The following CSMD3 variants were observed in gnomAD, a reference collection of about 807,000 sequenced individuals.
CSMD3 encodes the protein CUB and Sushi multiple domains 3, also known as CUB and sushi domain-containing protein 3.
CSMD3 carries 177 observed loss-of-function variants against 435.2 expected under a neutral mutation model. The observed-to-expected ratio is 0.41, with a 90% confidence interval of 0.36 to 0.46. The LOEUF is 0.46. Among genes scored for constraint, CSMD3 ranks in the 20% least tolerant of loss-of-function variants. The pLI is 0.34. For missense variants in CSMD3, 4,265 were observed against 4,504.6 expected (o/e 0.95, Z 1.52); for synonymous variants, 1,656 against 1,520.5 (o/e 1.09, Z -2.07).
At chr8:112,321,480 G>C (rs895982924) in intron 45 of CSMD3, among the ~76,000 whole-genome samples, 5 of 152,074 alleles carry the variant, frequency 3.3e-5, no homozygotes, top group Non-Finnish European at 5.9e-5. Flanking sequence ...GTGATCCTGG[G>C]GAGAAGAGCA....
intron 2 of CSMD3, among the ~76,000 whole-genome samples, chr8:113,303,264 A>T (rs1349067907): frequency 3.9e-5 from 5 of 128,610 alleles, no homozygotes; most frequent in Non-Finnish European, 8.1e-5. Context: ...ATAAAAGAGG[A>T]TACAAACAAA....
In CSMD3 at chr8:113,291,058, A is replaced by G. The variant is rs142480361; in HGVS notation, c.402-12354T>C. Among the ~76,000 whole-genome samples the G allele has an allele frequency of 1.8e-4, 27 of 151,684 alleles. No homozygotes were observed. In the East Asian group the frequency reaches 5.2e-3, roughly 29 times the overall value. On this transcript the variant is annotated intron_variant, in intron 2 of 70. Transcript: ENST00000297405. The stretch of plus-strand genomic sequence containing the variant: ...TAATTACATAATAATGTCTTCATAT[A>G]TTTGAATGTTCTATTTTTCAACATT...
At chr8:112,434,238 G>A (rs1814063782) in intron 32 of CSMD3, among the ~76,000 whole-genome samples, 1 of 152,118 alleles carries the variant, frequency 6.6e-6, no homozygotes, top group Non-Finnish European at 1.5e-5. Flanking sequence ...TTATTCAATT[G>A]ATATAAATAT....
chr8:112,548,652 C>T (rs770949053), intron 27 of CSMD3, among the ~76,000 whole-genome samples: 3 of 152,056 alleles, frequency 2.0e-5, no homozygotes, highest in Non-Finnish European at 4.4e-5. Flanking sequence ...AAGCATTTAA[C>T]TTGATTCTTG....
chr8:113,070,606 A>G (rs2089068083), intron 5 of CSMD3, among the ~76,000 whole-genome samples: 1 of 151,800 alleles, frequency 6.6e-6, no homozygotes, highest in Admixed American at 6.6e-5. Flanking sequence ...ACAACTCCCA[A>G]TTTTTTCCAC....
chr8:112,846,634 T>A (rs1015825711), intron 11 of CSMD3, among the ~76,000 whole-genome samples: 1 of 151,928 alleles, frequency 6.6e-6, no homozygotes, highest in African/African-American at 2.4e-5. Context: ...GGTCTCAAAT[T>A]CCTGGCCTCA....
In CSMD3 at chr8:113,304,919, A is replaced by T. The variant is rs1207826017; in HGVS notation, c.401+9652T>A. On this transcript the variant is annotated intron_variant, in intron 2 of 70. Transcript: ENST00000297405. ...CCCTAAAACTTAAAGTATAATAAAA[A>T]AAAAAAAAAAAGAAAATGTGGCACA... Among the ~76,000 whole-genome samples, 24 of 147,762 alleles carry T rather than the reference A, an allele frequency of 1.6e-4. No homozygotes were observed. In the East Asian group the frequency reaches 1.7e-3, roughly 10 times the overall value.
At chr8:112,429,449 T>C (rs1813429017) in intron 32 of CSMD3, among the ~76,000 whole-genome samples, 1 of 152,010 alleles carries the variant, frequency 6.6e-6, no homozygotes, top group Non-Finnish European at 1.5e-5. Context: ...ATATATATAG[T>C]TCAAGGTTTC....
chr8:113,217,402 G>A (rs982994514), intron 3 of CSMD3, among the ~76,000 whole-genome samples: 2 of 151,330 alleles, frequency 1.3e-5, no homozygotes, highest in Non-Finnish European at 3.0e-5. Context: ...AATGACACAA[G>A]TATTGGAATT....
intron 34 of CSMD3, among the ~76,000 whole-genome samples, chr8:112,407,437 A>G (rs1466914756): frequency 6.6e-6 from 1 of 152,062 alleles, no homozygotes; most frequent in Non-Finnish European, 1.5e-5. Context: ...CACATAACAA[A>G]TGTGATTAAA....
At chr8:113,078,344 T>C (rs1185208221) in intron 5 of CSMD3, among the ~76,000 whole-genome samples, 1 of 152,214 alleles carries the variant, frequency 6.6e-6, no homozygotes, top group Non-Finnish European at 1.5e-5. Context: ...ACAGAAAGAT[T>C]AAATGTTTTC....
At chr8:113,111,633 C>T (rs565817256) in intron 4 of CSMD3, among the ~76,000 whole-genome samples, 1 of 152,054 alleles carries the variant, frequency 6.6e-6, no homozygotes, top group Non-Finnish European at 1.5e-5. Context: ...ATATACAGAA[C>T]GGGCCCATCA....
At chr8:113,002,421 C>A (rs1168723165) in intron 6 of CSMD3, among the ~76,000 whole-genome samples, 1 of 151,814 alleles carries the variant, frequency 6.6e-6, no homozygotes, top group African/African-American at 2.4e-5. Context: ...TTAGTAAAAA[C>A]AAAAATAAAT....
At chr8:112,973,364 A>G (rs1046140920) in intron 7 of CSMD3, among the ~76,000 whole-genome samples, 11 of 151,946 alleles carry the variant, frequency 7.2e-5, no homozygotes, top group Non-Finnish European at 1.2e-4. Flanking sequence ...CTCTGCATAC[A>G]CACTGTAACT....
intron 22 of CSMD3, among the ~76,000 whole-genome samples, chr8:112,590,198 G>A (rs1831064758): frequency 6.6e-6 from 1 of 152,044 alleles, no homozygotes; most frequent in Admixed American, 6.6e-5. Context: ...GGGAATAGTT[G>A]AAGCTCCTAT....
chr8:112,848,155 T>A (rs2080380858), intron 11 of CSMD3, among the ~76,000 whole-genome samples: 5 of 152,140 alleles, frequency 3.3e-5, no homozygotes, highest in Admixed American at 3.3e-4. Context: ...AAATCAAATC[T>A]ATGTTTCAGA....
chr8:113,213,075 A>G (rs907774134), intron 3 of CSMD3, among the ~76,000 whole-genome samples: 33 of 151,904 alleles, frequency 2.2e-4, no homozygotes, highest in Non-Finnish European at 2.4e-4. Context: ...CAGGATCTGA[A>G]TATTATTTTA....
At chr8:112,723,322 T>C (rs912607310) in intron 13 of CSMD3, among the ~76,000 whole-genome samples, 1 of 152,176 alleles carries the variant, frequency 6.6e-6, no homozygotes, top group African/African-American at 2.4e-5. Context: ...ATCCTGTCAC[T>C]GTGCCTCCAA....
chr8:112,338,030 C>T (rs1181141547), intron 42 of CSMD3, among the ~76,000 whole-genome samples: 1 of 152,188 alleles, frequency 6.6e-6, no homozygotes, highest in African/African-American at 2.4e-5. Context: ...CTTAAAGCTA[C>T]AATTTTAATC....
Sources: allele counts gnomAD v4.1 joint callset (sites outside exome capture counted in the v4.1 genomes callset), GRCh38; gene constraint gnomAD v4.1.1; transcripts MANE v1.5; gene names NCBI Gene and HGNC (gene_info 2026-07-23, HGNC 2026-07-21).